The following TAF1 variants were observed in gnomAD, a reference collection of about 807,000 sequenced individuals.
The protein encoded by TAF1 is TATA-box binding protein associated factor 1, also known as transcription initiation factor TFIID subunit 1.
A neutral mutation model predicts 138.5 loss-of-function variants in TAF1; 2 were observed. The observed-to-expected ratio is 0.01, with a 90% CI of 0.01 to 0.05. The LOEUF (loss-of-function observed/expected upper bound fraction) is 0.05, where lower values mean the gene tolerates loss of function less well. Ranked by LOEUF, TAF1 falls within the 10% of genes least tolerant of loss-of-function variation. The pLI is 1.00. For synonymous variants in TAF1, 437 were observed against 503.2 expected (o/e 0.87, Z 1.76); for missense variants, 709 against 1,478.0 (o/e 0.48, Z 8.53).
At chrX:71,447,521 C>T (rs776696393) in intron 32 of TAF1, among the ~76,000 whole-genome samples, 12 of 110,230 alleles carry the variant, frequency 1.1e-4, no homozygotes, top group Non-Finnish European at 2.3e-4. Flanking sequence ...TGGCCAACAT[C>T]GTGAAACTCT....
At chrX:71,499,069 G>A (rs1047542193) in intron 13 of TAF1, among the ~76,000 whole-genome samples, 3 of 111,338 alleles carry the variant, frequency 2.7e-5, no homozygotes, top group African/African-American at 9.8e-5. Context: ...ATCTGGTTGG[G>A]GGCTTCTGGC....
chrX:71,368,385 T>G (rs1229640589), intron 3 of TAF1, among the ~76,000 whole-genome samples: 1 of 111,970 alleles, frequency 8.9e-6, no homozygotes, highest in African/African-American at 3.2e-5. Context: ...TGGTTATTCC[T>G]CACACTGTTC....
chrX:71,528,989 C>T (rs5936629), intron 14 of TAF1, among the ~76,000 whole-genome samples: 15,648 of 110,917 alleles, frequency 0.14, 1,131 homozygotes, highest in East Asian at 0.51. Context: ...AGACACAGAG[C>T]GCTAATTGGT....
At position 71,447,212 on chromosome X, in the gene TAF1, C is replaced by T. The variant is rs775448894; in HGVS notation, c.4754-6958C>T. ...TTGGAACAAATGCATATCCTCACAC[C>T]ATCCACTGTCAAGATAATAATTTAT... On this transcript the variant is annotated intron_variant, in intron 32 of 37. Transcript: ENST00000423759. 3.6e-5 allele frequency among the ~76,000 whole-genome samples: 4 copies of T among 110,838 alleles called. No homozygotes were observed. The South Asian group carries it at 1.5e-3, about 42-fold the overall frequency.
intron 3 of TAF1, among the ~76,000 whole-genome samples, chrX:71,369,588 T>G (rs1282375220): frequency 9.1e-6 from 1 of 109,802 alleles, no homozygotes; most frequent in Non-Finnish European, 1.9e-5. Context: ...TACTCTAAAC[T>G]GATAGGCAGT....
At chrX:71,390,720 G>T (rs1009508763) in intron 18 of TAF1, among the ~76,000 whole-genome samples, 18 of 111,682 alleles carry the variant, frequency 1.6e-4, no homozygotes, top group African/African-American at 5.9e-4. Flanking sequence ...TCACGGCCGG[G>T]CGCGGTGGCT....
chrX:71,433,741 A>G (rs1167691966), intron 32 of TAF1, among the ~76,000 whole-genome samples: 1 of 111,090 alleles, frequency 9.0e-6, no homozygotes, highest in African/African-American at 3.3e-5. Context: ...ATAGTAAAAA[A>G]CAGGCCTTAG....
Position 71,410,411 on chromosome X carries a change from T to TA in TAF1, c.4384+2264dup, listed in dbSNP as rs1205353135. 9.7e-5 allele frequency among the ~76,000 whole-genome samples: 10 copies of TA among 103,492 alleles called. No individual in the cohort carries two copies. In the East Asian group the frequency reaches 3.0e-3, roughly 31 times the overall value. 89.9% of individuals were successfully genotyped at this position (103,492 alleles called of 115,157 possible). On this transcript the variant is annotated intron_variant, in intron 28 of 37. Coordinates refer to ENST00000423759, the MANE Select transcript of TAF1 (RefSeq NM_004606.5). ...CCTGCACATGTACTAAAAAAAAAAA[T>TA]AAAAGAGGAAGATGACTTTACCTTT... is the stretch of plus-strand genomic sequence containing the variant.
intron 16 of TAF1, 40 bp downstream of exon 16, chrX:71,388,418 A>G: frequency 8.4e-7 from 1 of 1,183,578 alleles, no homozygotes; most frequent in South Asian, 1.9e-5. Flanking sequence ...CCTTTTTCCA[A>G]GAAAAGAATT....
At chrX:71,528,197 GA>G (rs1310695429) in intron 13 of TAF1, 4 of 215,695 alleles carry the variant, frequency 1.9e-5, no homozygotes, top group Admixed American at 6.5e-5. Flanking sequence ...TCTGGGACAA[GA>G]AAAAAACCAT....
chrX:71,408,578 A>T (rs1182573244), intron 28 of TAF1, among the ~76,000 whole-genome samples: 2 of 111,561 alleles, frequency 1.8e-5, no homozygotes, highest in South Asian at 3.7e-4. Context: ...GCCTCCCAGG[A>T]TTACAGGTGT....
chrX:71,517,772 G>A (rs1202021867), intron 13 of TAF1, among the ~76,000 whole-genome samples: 1 of 111,709 alleles, frequency 9.0e-6, no homozygotes, highest in African/African-American at 3.3e-5. Context: ...ATGTGTAGGG[G>A]GGTTTATTGT....
At chrX:71,468,245 C>T (rs1485956287), downstream of TAF1, among the ~76,000 whole-genome samples, 3 of 104,648 alleles carry the variant, frequency 2.9e-5, no homozygotes, top group Non-Finnish European at 5.9e-5. Flanking sequence ...CAACAGAGAC[C>T]CTGTCAAAAA....
rs28382209 is a variant in TAF1 at position 71,460,488 on chromosome X, G to C, written c.5222-138G>C. 2,347 of 619,638 alleles carry C rather than the reference G, an allele frequency of 3.8e-3. 6 individuals are homozygous for C. Among genetic ancestry groups the C allele is most frequent in the Non-Finnish European group, 4.8e-3 (1,949 of 409,265 alleles). The allele number at this position is 619,638 out of a possible 1,213,427, so 51.1% of individuals were successfully genotyped here. On this transcript the variant is annotated intron_variant, in intron 36 of 37. Transcript: ENST00000423759. ...CTGTTGACCCTAGGCAGTTATAAGA[G>C]GCATTTGAGGAGAGGCGTATAGGCA...
intron 22 of TAF1, 47 bp downstream of exon 22, chrX:71,394,292 A>C: frequency 8.7e-7 from 1 of 1,146,399 alleles, no homozygotes; most frequent in Non-Finnish European, 1.2e-6. Context: ...AAGGGTTAAA[A>C]AAGGAGCCTA....
chrX:71,523,146 C>T lies in TAF1; in HGVS notation c.1367-5396C>T, dbSNP rs140439227. Reference sequence around the variant, plus strand: ...CCAGTGAGCCGAGATCGTACCACTGCGCTCCAGCCTGGAGACAGAGCAAGA... The same window carrying T: ...CCAGTGAGCCGAGATCGTACCACTGTGCTCCAGCCTGGAGACAGAGCAAGA... On this transcript the variant is annotated intron_variant and NMD_transcript_variant, in intron 13 of 14. Coordinates refer to the TAF1 transcript ENST00000373775. Among the ~76,000 whole-genome samples, 528 of 95,210 alleles carry T rather than the reference C, an allele frequency of 5.5e-3. 4 individuals carry two copies. The highest frequency in any genetic ancestry group is 0.019 in the African/African-American group (481 of 24,964). 82.7% of individuals were successfully genotyped at this position (95,210 alleles called of 115,157 possible).
chrX:71,463,215 A>AT (rs979222984), intron 37 of TAF1, among the ~76,000 whole-genome samples: 2 of 111,350 alleles, frequency 1.8e-5, no homozygotes, highest in African/African-American at 6.5e-5. Flanking sequence ...GGAGTTATTG[A>AT]TTTTTTTAAA....
intron 14 of TAF1, 105 bp from the exon 15 acceptor site, chrX:71,387,156 C>T (rs1025759433): frequency 1.1e-5 from 9 of 813,625 alleles, no homozygotes; most frequent in African/African-American, 1.0e-4. Context: ...CCTTAGATGG[C>T]GTAATTAAGA....
intron 32 of TAF1, among the ~76,000 whole-genome samples, chrX:71,437,382 CTT>C (rs779576834): frequency 0.013 from 1,448 of 109,832 alleles, 11 homozygotes; most frequent in African/African-American, 0.033. Context: ...TAATAAGGGT[CTT>C]TTTTTTCCAT....
Sources: gnomAD v4.1 joint callset for allele counts (sites outside exome capture counted in the v4.1 genomes callset) on GRCh38, gnomAD v4.1.1 for gene constraint, MANE v1.5 for transcripts, NCBI Gene and HGNC (gene_info 2026-07-23, HGNC 2026-07-21) for gene names.